The following ADAMTS20 variants were observed in gnomAD, a reference collection of about 807,000 sequenced individuals.
ADAMTS20 encodes the protein A disintegrin and metalloproteinase with thrombospondin motifs 20.
In ADAMTS20, 225 loss-of-function variants were observed where a neutral mutation model predicts 260.1. That is an observed-to-expected ratio of 0.87 (90% confidence interval 0.78 to 0.97). The LOEUF is 0.97. Ranked by LOEUF, ADAMTS20 falls within the 50% of genes least tolerant of loss-of-function variation. The probability of loss-of-function intolerance (pLI) is 0.00; values close to 1 mark genes in which losing one functional copy is unlikely to be tolerated. For synonymous variants in ADAMTS20, 802 were observed against 769.5 expected (o/e 1.04, Z -0.70); for missense variants, 2,400 against 2,337.7 (o/e 1.03, Z -0.55).
At chr12:43,477,597 C>T (rs1942378489) in intron 7 of ADAMTS20, among the ~76,000 whole-genome samples, 1 of 152,124 alleles carries the variant, frequency 6.6e-6, no homozygotes, top group South Asian at 2.1e-4. Flanking sequence ...ACTATCAAGT[C>T]CAAACCTCAG....
chr12:43,368,400 G>C (rs373376857), intron 37 of ADAMTS20, among the ~76,000 whole-genome samples: 9 of 151,976 alleles, frequency 5.9e-5, no homozygotes, highest in Non-Finnish European at 7.4e-5. Flanking sequence ...GATTTATTCA[G>C]GTTCTTACTC....
intron 3 of ADAMTS20, among the ~76,000 whole-genome samples, chr12:43,504,507 A>G (rs1394403691): frequency 1.3e-5 from 2 of 152,112 alleles, no homozygotes; most frequent in Non-Finnish European, 2.9e-5. Flanking sequence ...TTTTCTTGCC[A>G]TTTTCTCCTG....
intron 36 of ADAMTS20, among the ~76,000 whole-genome samples, chr12:43,373,797 A>G (rs920977095): frequency 2.1e-5 from 3 of 144,256 alleles, no homozygotes; most frequent in East Asian, 4.1e-4. Context: ...CTCCTGCCTC[A>G]GCCTCCCAAG....
At chr12:43,535,129 A>G (rs1037813158) in intron 2 of ADAMTS20, among the ~76,000 whole-genome samples, 2 of 152,052 alleles carry the variant, frequency 1.3e-5, no homozygotes, top group Admixed American at 1.3e-4. Context: ...TAGCACATTT[A>G]TCATATGTTG....
chr12:43,404,190 C>T (rs1940868773), intron 28 of ADAMTS20, among the ~76,000 whole-genome samples: 1 of 151,202 alleles, frequency 6.6e-6, no homozygotes, highest in South Asian at 2.1e-4. Flanking sequence ...CACACACACA[C>T]ACACACACAC....
chr12:43,465,195 A>C (rs559770389), intron 9 of ADAMTS20, among the ~76,000 whole-genome samples: 1 of 152,080 alleles, frequency 6.6e-6, no homozygotes, highest in South Asian at 2.1e-4. Flanking sequence ...AGAAGCTTCA[A>C]AAAGTTTTAT....
chr12:43,377,335 A>G (rs1355963405), intron 32 of ADAMTS20, 30 bp downstream of exon 32: 2 of 1,563,032 alleles, frequency 1.3e-6, no homozygotes, highest in African/African-American at 2.7e-5. Context: ...TCTTATTCAG[A>G]AGTTTTAAAA....
chr12:43,453,971 T>G lies in ADAMTS20; in HGVS notation c.1696A>C (p.Ser566Arg), dbSNP rs754016096. 1.2e-6 allele frequency: 2 copies of G among 1,613,352 alleles called. No homozygotes were observed. Among genetic ancestry groups the G allele is most frequent in the African/African-American group, 1.3e-5 (1 of 74,938 alleles). The stretch of plus-strand genomic sequence containing the variant: ...CCTCCACATGTTCTTGAACAAGAAC[T>G]GTAAGGTTCCCATGGTCCCCATTCA... The part of the protein sequence containing the change: ...NGEWGPWEPY[S>R]SCSRTCGGGI... The change falls in exon 12 of 39, where the codon AGT becomes CGT. Residue 566 changes from serine to arginine, a missense_variant. Ser to Arg is a moderately radical substitution (Grantham distance 110, BLOSUM62 -1). Coordinates refer to ENST00000389420, the MANE Select transcript of ADAMTS20 (RefSeq NM_025003.5).
chr12:43,472,240 T>C (rs1404197903), intron 7 of ADAMTS20, among the ~76,000 whole-genome samples: 1 of 151,506 alleles, frequency 6.6e-6, no homozygotes, highest in African/African-American at 2.4e-5. Context: ...GTATCAGTGA[T>C]GGAAGATGAA....
intron 8 of ADAMTS20, among the ~76,000 whole-genome samples, chr12:43,467,009 T>C (rs1269609213): frequency 6.6e-6 from 1 of 151,530 alleles, no homozygotes; most frequent in Non-Finnish European, 1.5e-5. Flanking sequence ...ATCTGGCATC[T>C]GAATCTACAC....
At chr12:43,538,379 T>C (rs1045538610) in intron 2 of ADAMTS20, among the ~76,000 whole-genome samples, 8 of 152,348 alleles carry the variant, frequency 5.3e-5, no homozygotes, top group Admixed American at 4.6e-4. Flanking sequence ...ATGTTTTTCC[T>C]ATAAAGTTGT....
chr12:43,495,217 T>C (rs904405324), intron 4 of ADAMTS20, among the ~76,000 whole-genome samples: 2 of 152,194 alleles, frequency 1.3e-5, no homozygotes, highest in Non-Finnish European at 2.9e-5. Flanking sequence ...TCTGATAGTA[T>C]AATTAAAATA....
chr12:43,510,664 A>G (rs1942910090), intron 3 of ADAMTS20, among the ~76,000 whole-genome samples: 1 of 152,118 alleles, frequency 6.6e-6, no homozygotes, highest in Non-Finnish European at 1.5e-5. Flanking sequence ...ATTAAGACCC[A>G]AAACTAATTT....
intron 7 of ADAMTS20, among the ~76,000 whole-genome samples, chr12:43,479,607 T>G (rs955512642): frequency 6.6e-6 from 1 of 152,094 alleles, no homozygotes; most frequent in African/African-American, 2.4e-5. Flanking sequence ...CATGATGGAA[T>G]TTAAATATGA....
At chr12:43,427,960 C>T (rs779486913) in intron 26 of ADAMTS20, among the ~76,000 whole-genome samples, 15 of 152,018 alleles carry the variant, frequency 9.9e-5, no homozygotes, top group Non-Finnish European at 1.9e-4. Context: ...TATAGTCTTA[C>T]CCCTTAAAGC....
At chr12:43,425,358 A>G (rs574100615) in intron 28 of ADAMTS20, among the ~76,000 whole-genome samples, 156 bp downstream of exon 28, 1 of 152,300 alleles carries the variant, frequency 6.6e-6, no homozygotes, top group African/African-American at 2.4e-5. Context: ...GCGAACCACC[A>G]TGGCACACAT....
At position 43,452,558 on chromosome 12, in the gene ADAMTS20, C is replaced by T. The variant is rs1941888164; in HGVS notation, c.1898G>A (p.Ser633Asn). ...SDFNGKHLDI[S>N]GIPSNVRWLP... The stretch of plus-strand genomic sequence containing the variant: ...CCACCTCACATTAGAGGGAATGCCA[C>T]TGATGTCCAAATGTTTACCATTAAA... The change falls in exon 13 of 39, where the codon AGT becomes AAT. Residue 633 changes from serine to asparagine, a missense_variant. Transcript: ENST00000389420. 3 of 1,613,600 alleles carry T rather than the reference C, an allele frequency of 1.9e-6. No homozygotes were observed. Among genetic ancestry groups the T allele is most frequent in the Non-Finnish European group, 2.5e-6 (3 of 1,179,682 alleles).
At chr12:43,399,621 C>T (rs368764775) in intron 28 of ADAMTS20, among the ~76,000 whole-genome samples, 2 of 152,070 alleles carry the variant, frequency 1.3e-5, no homozygotes, top group East Asian at 1.9e-4. Context: ...ATTTTTATCT[C>T]CACATGCTTT....
rs753772439 is a variant in ADAMTS20 at position 43,428,375 on chromosome 12, G to A, written c.3811C>T (p.Pro1271Ser). The A allele has an allele frequency of 5.6e-6, 9 of 1,613,864 alleles. No individual in the cohort carries two copies. In the African/African-American group the frequency reaches 1.2e-4, roughly 22 times the overall value. The change falls in exon 26 of 39, where the codon CCT becomes TCT. Residue 1271 changes from proline to serine, a missense_variant. By Grantham distance (74) the Pro-to-Ser change is moderately conservative (BLOSUM62 -1). Transcript: ENST00000389420. ...TAGCTTGGCTGCACAGGGGAACTAG[G>A]AAAGTGGCTGTGTGCAGGAGGGCAG... ...AACPPAHSHF[P>S]SSPVQPSYYL...
Sources: gnomAD v4.1 joint callset for allele counts (sites outside exome capture counted in the v4.1 genomes callset) on GRCh38, gnomAD v4.1.1 for gene constraint, MANE v1.5 for transcripts, NCBI Gene and HGNC (gene_info 2026-07-23, HGNC 2026-07-21) for gene names.